Variants in CCDC192 observed in about 807,000 individuals in gnomAD.
The protein encoded by CCDC192 is coiled-coil domain containing 192.
At chr5:127,939,549 T>A (rs1291400130) in intron 6 of CCDC192, among the ~76,000 whole-genome samples, 1 of 152,136 alleles carries the variant, frequency 6.6e-6, no homozygotes, top group Admixed American at 6.5e-5. Context: ...TAGCCTGTTG[T>A]CTCCTCTTAT....
intron 3 of CCDC192, among the ~76,000 whole-genome samples, chr5:127,757,057 T>C (rs968711814): frequency 6.6e-6 from 1 of 152,228 alleles, no homozygotes; most frequent in African/African-American, 2.4e-5. Context: ...TTCACTTAAC[T>C]TTTTTGTACC....
chr5:127,856,076 G>A (rs1216759567), intron 5 of CCDC192, among the ~76,000 whole-genome samples: 1 of 152,188 alleles, frequency 6.6e-6, no homozygotes, highest in East Asian at 1.9e-4. Context: ...TCCTTTCTAG[G>A]TATGAAAGTC....
intron 6 of CCDC192, among the ~76,000 whole-genome samples, chr5:127,901,861 A>G (rs1202849411): frequency 6.6e-6 from 1 of 152,242 alleles, no homozygotes; most frequent in Non-Finnish European, 1.5e-5. Context: ...TGCAACTTTA[A>G]TAAGATCTTT....
chr5:127,802,043 G>C (rs980364003), intron 5 of CCDC192, among the ~76,000 whole-genome samples: 2 of 152,116 alleles, frequency 1.3e-5, no homozygotes, highest in Admixed American at 6.5e-5. Context: ...CCTAAGTTAG[G>C]TTTCAGTTTG....
intron 6 of CCDC192, among the ~76,000 whole-genome samples, chr5:127,904,254 A>G (rs1443351721): frequency 1.3e-5 from 2 of 152,222 alleles, no homozygotes; most frequent in African/African-American, 4.8e-5. Flanking sequence ...AGACAGCCTT[A>G]CTGTAACCTT....
At chr5:127,919,023 A>G (rs141781523) in intron 6 of CCDC192, among the ~76,000 whole-genome samples, 107 of 145,472 alleles carry the variant, frequency 7.4e-4, no homozygotes, top group African/African-American at 2.6e-3. Flanking sequence ...ATGTGTGTGT[A>G]TGTGTATATA....
At chr5:127,756,712 A>G (rs943019067) in intron 3 of CCDC192, among the ~76,000 whole-genome samples, 2 of 152,180 alleles carry the variant, frequency 1.3e-5, no homozygotes, top group African/African-American at 4.8e-5. Flanking sequence ...GGCAGATTGG[A>G]CCCCAGGCAA....
chr5:127,806,574 A>G (rs189224131), intron 5 of CCDC192, among the ~76,000 whole-genome samples: 106 of 152,264 alleles, frequency 7.0e-4, no homozygotes, highest in Admixed American at 5.7e-3. Flanking sequence ...GACTTCTCAC[A>G]TCAACATTCT....
At chr5:127,860,759 A>C (rs1751324467) in intron 5 of CCDC192, among the ~76,000 whole-genome samples, 1 of 152,226 alleles carries the variant, frequency 6.6e-6, no homozygotes. Context: ...TATACTTCCC[A>C]TTAAGCCTTT....
intron 6 of CCDC192, among the ~76,000 whole-genome samples, chr5:127,927,751 C>A (rs4836344): frequency 0.83 from 125,717 of 152,016 alleles, 52,069 homozygotes; most frequent in East Asian, 0.98. Flanking sequence ...CCCTTAGTTG[C>A]AATCCAAGTC....
intron 1 of CCDC192, among the ~76,000 whole-genome samples, 182 bp downstream of exon 1, chr5:127,703,689 G>A (rs1169248707): frequency 6.6e-6 from 1 of 152,170 alleles, no homozygotes; most frequent in Non-Finnish European, 1.5e-5. Context: ...CCAGATCACA[G>A]GGCATGGCCT....
At position 127,743,448 on chromosome 5, in the gene CCDC192, G is replaced by T. The variant is rs557405354; in HGVS notation, c.115-10820G>T. ...TTGATCAATACATTCTTCATTTAAA[G>T]ATGAAAATGTTGAGACGCAGACAAA... is the stretch of plus-strand genomic sequence containing the variant. On this transcript the variant is annotated intron_variant, in intron 2 of 6. Coordinates refer to ENST00000514853, the MANE Select transcript of CCDC192 (RefSeq NM_001317938.2). Among the ~76,000 whole-genome samples, 13 of 152,240 alleles carry T rather than the reference G, an allele frequency of 8.5e-5. No homozygotes were observed. The South Asian group carries it at 2.3e-3, about 27-fold the overall frequency.
intron 6 of CCDC192, among the ~76,000 whole-genome samples, chr5:127,904,495 CTTTTTTTTTT>C (rs11344791): frequency 2.6e-5 from 3 of 115,854 alleles, no homozygotes; most frequent in Non-Finnish European, 5.2e-5. Flanking sequence ...TTGGCAGAGA[CTTTTTTTTTT>C]TTTTTTTTTT....
intron 3 of CCDC192, among the ~76,000 whole-genome samples, chr5:127,795,019 A>G (rs1188133660): frequency 2.6e-5 from 4 of 152,210 alleles, no homozygotes; most frequent in Non-Finnish European, 5.9e-5. Flanking sequence ...TAGGCCGGAC[A>G]CAGTGGCTTA....
At chr5:127,768,973 C>T (rs963601887) in intron 3 of CCDC192, among the ~76,000 whole-genome samples, 1 of 152,158 alleles carries the variant, frequency 6.6e-6, no homozygotes, top group African/African-American at 2.4e-5. Flanking sequence ...CACAAGAGAA[C>T]GCTTTGTTTT....
chr5:127,725,343 C>T (rs1752259837), intron 2 of CCDC192, among the ~76,000 whole-genome samples: 1 of 152,172 alleles, frequency 6.6e-6, no homozygotes, highest in Non-Finnish European at 1.5e-5. Context: ...TTGATTCCAT[C>T]ATCAGCATTA....
chr5:127,875,520 A>AT lies in CCDC192; in HGVS notation c.412-4dup, dbSNP rs35102491. On this transcript the variant is annotated splice_polypyrimidine_tract_variant and intron_variant, in intron 5 of 6. Coordinates refer to ENST00000514853, the MANE Select transcript of CCDC192 (RefSeq NM_001317938.2). ...TCTGTCCCTAGTGATGGAAACTCTT[A>AT]TTTTTTTTTTTTTTAAGAAACTAAA... 2,793 of 364,952 alleles carry AT rather than the reference A, an allele frequency of 7.7e-3. No individual in the cohort carries two copies. The highest frequency in any genetic ancestry group is 0.023 in the Middle Eastern group (33 of 1,440). 22.6% of individuals were successfully genotyped at this position (364,952 alleles called of 1,614,324 possible).
chr5:127,861,379 G>A (rs1751362187), intron 5 of CCDC192, among the ~76,000 whole-genome samples: 1 of 151,334 alleles, frequency 6.6e-6, no homozygotes, highest in South Asian at 2.1e-4. Flanking sequence ...GCCTGGCCGG[G>A]CACAGTGGCT....
intron 3 of CCDC192, among the ~76,000 whole-genome samples, chr5:127,763,453 G>T (rs992442634): frequency 2.0e-5 from 3 of 152,016 alleles, no homozygotes; most frequent in African/African-American, 7.3e-5. Context: ...GCTACCTTCT[G>T]CAGTGCCTCT....
Sources: gnomAD v4.1 joint callset for allele counts (sites outside exome capture counted in the v4.1 genomes callset) on GRCh38, gnomAD v4.1.1 for gene constraint, MANE v1.5 for transcripts, NCBI Gene and HGNC (gene_info 2026-07-23, HGNC 2026-07-21) for gene names.